The following FAT4 variants were observed in gnomAD, a reference collection of about 807,000 sequenced individuals.
FAT4 encodes the protein FAT atypical cadherin 4, also known as protocadherin Fat 4.
In FAT4, 84 loss-of-function variants were observed where a neutral mutation model predicts 303.9. The ratio of observed to expected loss-of-function variants is 0.28; its 90% CI spans 0.23 to 0.33. The LOEUF (loss-of-function observed/expected upper bound fraction) is 0.33. FAT4 is among the 10% of genes least tolerant of loss of function. FAT4 has a pLI of 1.00. For synonymous variants in FAT4, 2,307 were observed against 2,298.8 expected, an observed-to-expected ratio of 1.00 and a Z score of -0.10; for missense variants, 6,005 against 6,146.8, an observed-to-expected ratio of 0.98 and a Z score of 0.77.
At chr4:125,401,255 G>A (rs1175031785) in intron 3 of FAT4, among the ~76,000 whole-genome samples, 2 of 151,966 alleles carry the variant, frequency 1.3e-5, no homozygotes, top group African/African-American at 4.8e-5. Context: ...AAGTAGAATG[G>A]CTGCCTATGG....
chr4:125,463,536 A>T, intron 10 of FAT4, 27 bp from the exon 11 acceptor site: 1 of 1,439,412 alleles, frequency 6.9e-7, no homozygotes, highest in Non-Finnish European at 9.5e-7. Flanking sequence ...ATGAGATTTA[A>T]AAAAAACTGA....
chr4:125,417,429 C>A (rs542367241), intron 7 of FAT4, among the ~76,000 whole-genome samples: 18 of 152,230 alleles, frequency 1.2e-4, no homozygotes, highest in South Asian at 6.2e-4. Flanking sequence ...CTATAAGTTC[C>A]TGATGCCATC....
chr4:125,368,023 T>A (rs2125989613), intron 2 of FAT4, among the ~76,000 whole-genome samples: 1 of 152,310 alleles, frequency 6.6e-6, no homozygotes, highest in Non-Finnish European at 1.5e-5. Flanking sequence ...TTTAAGGTTT[T>A]ATAAGACTTT....
intron 2 of FAT4, among the ~76,000 whole-genome samples, chr4:125,397,556 G>A (rs1256342540): frequency 6.6e-6 from 1 of 152,098 alleles, no homozygotes; most frequent in Non-Finnish European, 1.5e-5. Flanking sequence ...ACTCATTTGA[G>A]CCATTTGTTT....
intron 11 of FAT4, among the ~76,000 whole-genome samples, chr4:125,465,305 C>G (rs920439428): frequency 6.6e-6 from 1 of 152,120 alleles, no homozygotes; most frequent in Non-Finnish European, 1.5e-5. Context: ...GTCAAAATAA[C>G]CACAACTTGA....
At chr4:125,414,028 G>A (rs1734946151) in intron 5 of FAT4, among the ~76,000 whole-genome samples, 1 of 151,932 alleles carries the variant, frequency 6.6e-6, no homozygotes, top group South Asian at 2.1e-4. Flanking sequence ...ATATAAAAAT[G>A]CACATCGTTA....
intron 12 of FAT4, among the ~76,000 whole-genome samples, chr4:125,475,852 C>A (rs1382943033): frequency 6.6e-6 from 1 of 151,902 alleles, no homozygotes; most frequent in East Asian, 1.9e-4. Flanking sequence ...ATGTTTCAGA[C>A]CTATTGTGTA....
At chr4:125,436,521 C>G (rs1725457286) in intron 8 of FAT4, among the ~76,000 whole-genome samples, 1 of 152,110 alleles carries the variant, frequency 6.6e-6, no homozygotes, top group Non-Finnish European at 1.5e-5. Context: ...TGAATGAGAA[C>G]ACGTTTGCGG....
chr4:125,396,501 T>G (rs2126010866), intron 2 of FAT4, among the ~76,000 whole-genome samples: 1 of 152,186 alleles, frequency 6.6e-6, no homozygotes, highest in South Asian at 2.1e-4. Context: ...AGACCTTCCT[T>G]ACGCTCAATT....
chr4:125,424,345 C>T (rs1479692630), intron 7 of FAT4, among the ~76,000 whole-genome samples: 1 of 152,114 alleles, frequency 6.6e-6, no homozygotes, highest in Non-Finnish European at 1.5e-5. Context: ...TCTATAAGGG[C>T]TTCACCCCAC....
Position 125,415,110 on chromosome 4 carries a change from G to A in FAT4, c.6147G>A (p.Pro2049=), listed in dbSNP as rs201754517. ...TGTTGGATGTAAATGATAACCCACC[G>A]ACATTTCTTTCCCCTAAATTGACAT... ...IILLDVNDNP[P]TFLSPKLTYI... Residue 2049 remains proline (P), a synonymous_variant, in exon 6 of 18, where the codon CCG becomes CCA. Coordinates refer to ENST00000394329, the MANE Select transcript of FAT4 (RefSeq NM_001291303.3). The A allele has an allele frequency of 5.0e-6, 8 of 1,613,740 alleles. No homozygotes were observed. Among genetic ancestry groups the A allele is most frequent in the Admixed American group, 1.7e-5 (1 of 59,952 alleles).
Position 125,319,228 on chromosome 4 carries a change from G to C in FAT4, c.2817G>C (p.Leu939=), listed in dbSNP as rs1331619391. Residue 939 remains leucine (L), a synonymous_variant, in exon 2 of 18, where the codon CTG becomes CTC. Transcript: ENST00000394329. The part of the protein sequence containing the change: ...LYSLKQNPKN[L]FAINEKNGTI... ...GTCTGAAGCAAAACCCCAAGAACCT[G>C]TTTGCTATCAATGAAAAGAATGGCA... 9 of 1,614,106 alleles carry C rather than the reference G, an allele frequency of 5.6e-6. No individual in the cohort carries two copies. The highest frequency in any genetic ancestry group is 2.2e-5 in the East Asian group (1 of 44,874).
In FAT4 at chr4:125,318,675, A is replaced by G; in HGVS notation, c.2264A>G (p.Glu755Gly). Residue 755 changes from glutamate to glycine, a missense_variant, in exon 2 of 18, where the codon GAA becomes GGA. By Grantham distance (98) the Glu-to-Gly change is moderately conservative (BLOSUM62 -2). Transcript: ENST00000394329. ...ACAAGAATGGCCCTAGACAGAGAAG[A>G]AAAAACAGCTTATCAGTTGCAAATA... ...ISTRMALDRE[E>G]KTAYQLQIVA... 1.2e-6 allele frequency: 2 copies of G among 1,614,192 alleles called. No individual in the cohort carries two copies. Among genetic ancestry groups the G allele is most frequent in the Non-Finnish European group, 1.7e-6 (2 of 1,180,016 alleles).
chr4:125,448,905 A>G lies in FAT4; in HGVS notation c.7895A>G (p.Glu2632Gly), dbSNP rs1424150546. ...QVSISQPLDF[E>G]KIQKYVVWIE... ...TCTATTAGTCAACCTCTGGATTTTG[A>G]AAAGATACAAAAATATGTTGTATGG... The change falls in exon 10 of 18, where the codon GAA becomes GGA. Residue 2632 changes from glutamate (E) to glycine (G), a missense_variant. Coordinates refer to ENST00000394329, the MANE Select transcript of FAT4 (RefSeq NM_001291303.3). The G allele has an allele frequency of 6.2e-7, 1 of 1,611,888 alleles. No homozygotes were observed. Among genetic ancestry groups the G allele is most frequent in the Admixed American group, 1.7e-5 (1 of 59,764 alleles).
At chr4:125,404,494 A>G (rs1429933600) in intron 3 of FAT4, among the ~76,000 whole-genome samples, 1 of 152,186 alleles carries the variant, frequency 6.6e-6, no homozygotes. Flanking sequence ...ACACTGTTCA[A>G]CAGTAAGCCA....
chr4:125,450,412 TGAA>T lies in FAT4; in HGVS notation c.9407_9409del (p.Glu3136del), dbSNP rs773023532. The T allele has an allele frequency of 1.2e-6, 2 of 1,614,094 alleles. No homozygotes were observed. Among genetic ancestry groups the T allele is most frequent in the Admixed American group, 1.7e-5 (1 of 60,016 alleles). On this transcript the variant is annotated inframe_deletion, in exon 10 of 18. Coordinates refer to ENST00000394329, the MANE Select transcript of FAT4 (RefSeq NM_001291303.3). ...TTAAGTACAGCATTTCTTCAGGAAA[TGAA>T]GAAGGCATTTTTGCAATCAATTCTT... is the stretch of plus-strand genomic sequence containing the variant.
rs1166207336 is a variant in FAT4 at position 125,415,181 on chromosome 4, A to G, written c.6218A>G (p.Gln2073Arg). The change falls in exon 6 of 18, where the codon CAA becomes CGA. Residue 2073 changes from glutamine (Q) to arginine (R), a missense_variant. Physicochemically the swap from Gln to Arg is conservative, Grantham distance 43. Transcript: ENST00000394329. ...TPIDTVVFKA[Q>R]ATDPDSGPNS... ...ATTGATACTGTTGTTTTCAAAGCTC[A>G]AGCAACTGACCCAGATAGTGGCCCA... 1.9e-6 allele frequency: 3 copies of G among 1,614,008 alleles called. No individual in the cohort carries two copies. The highest frequency in any genetic ancestry group is 2.5e-6 in the Non-Finnish European group (3 of 1,179,864).
intron 11 of FAT4, among the ~76,000 whole-genome samples, chr4:125,463,995 G>A (rs1008466855): frequency 1.3e-5 from 2 of 151,978 alleles, no homozygotes; most frequent in African/African-American, 4.8e-5. Context: ...ACTCTTTCAC[G>A]TCACTCTCTA....
chr4:125,361,813 T>C (rs560143921), intron 2 of FAT4, among the ~76,000 whole-genome samples: 1 of 152,248 alleles, frequency 6.6e-6, no homozygotes, highest in Admixed American at 6.5e-5. Context: ...CCTACGTCAG[T>C]CATGAGCTCT....
Sources: gnomAD v4.1 joint callset for allele counts (sites outside exome capture counted in the v4.1 genomes callset) on GRCh38, gnomAD v4.1.1 for gene constraint, MANE v1.5 for transcripts, NCBI Gene and HGNC (gene_info 2026-07-23, HGNC 2026-07-21) for gene names.